Variants in SHISAL1 observed in about 807,000 individuals in gnomAD.
SHISAL1 encodes shisa like 1, also known as protein shisa-like-1.
SHISAL1 carries 9 observed loss-of-function variants against 22.6 expected under a neutral mutation model. That is an observed-to-expected ratio of 0.40 (90% CI 0.24 to 0.70). SHISAL1 has a LOEUF of 0.70. SHISAL1 is among the 30% of genes least tolerant of loss of function. The pLI is 0.39. For missense variants in SHISAL1, 246 were observed against 270.6 expected (o/e 0.91, Z 0.64); for synonymous variants, 119 against 115.4 (o/e 1.03, Z -0.20).
chr22:44,261,154 A>T (rs135431), intron 4 of SHISAL1, among the ~76,000 whole-genome samples: 95,072 of 140,056 alleles, frequency 0.68, 32,432 homozygotes, highest in East Asian at 0.78. Flanking sequence ...ATGACTTTTA[A>T]AAAAAAAAAA....
At chr22:44,277,107 C>G (rs112234531) in intron 4 of SHISAL1, among the ~76,000 whole-genome samples, 1 of 152,204 alleles carries the variant, frequency 6.6e-6, no homozygotes, top group East Asian at 1.9e-4. Flanking sequence ...GCTGCTCCTC[C>G]CCTGGCTGAC....
At chr22:44,326,394 G>T in the SHISAL1 span, among the ~76,000 whole-genome samples, 1 of 152,166 alleles carries the variant, frequency 6.6e-6, no homozygotes, top group Admixed American at 6.5e-5. Context: ...CCGCGGCAGA[G>T]CCGGCCATCC....
upstream of SHISAL1, among the ~76,000 whole-genome samples, chr22:44,315,083 C>G (rs1048204376): frequency 7.9e-5 from 12 of 152,104 alleles, no homozygotes; most frequent in Non-Finnish European, 1.5e-4. Context: ...TTCCTGCTCT[C>G]AGGCTGAGGG....
intron 4 of SHISAL1, among the ~76,000 whole-genome samples, chr22:44,253,116 A>G (rs1004964604): frequency 1.3e-5 from 2 of 152,358 alleles, no homozygotes; most frequent in African/African-American, 4.8e-5. Flanking sequence ...GTATACTTTA[A>G]AAATGGTTAA....
At chr22:44,294,159 T>G (rs1424200227) in intron 3 of SHISAL1, among the ~76,000 whole-genome samples, 2 of 152,234 alleles carry the variant, frequency 1.3e-5, no homozygotes, top group African/African-American at 4.8e-5. Flanking sequence ...ATACAAGGCT[T>G]GGGTCAAATC....
At position 44,285,537 on chromosome 22, in the gene SHISAL1, G is replaced by A. The variant is rs769362177; in HGVS notation, c.490C>T (p.Gln164Ter). ...RAPRPGQRAP[Q>*]PQPPPGPLPQ... ...AGCGGGCCTGGGGGAGGCTGCGGCT[G>A]TGGGGCCCGCTGACCCGGCCGAGGG... Residue 164 changes from glutamine to a stop codon, truncating the protein, a stop_gained, in exon 4 of 5, where the codon CAG becomes TAG. Coordinates refer to ENST00000381176, the MANE Select transcript of SHISAL1 (RefSeq NM_001099294.2). LOFTEE classifies it high-confidence loss of function. 1 of 1,612,988 alleles carries A rather than the reference G, an allele frequency of 6.2e-7. No individual in the cohort carries two copies. The highest frequency in any genetic ancestry group is 1.1e-5 in the South Asian group (1 of 91,008).
At chr22:44,263,653 G>C (rs1036080012) in intron 4 of SHISAL1, among the ~76,000 whole-genome samples, 11 of 152,208 alleles carry the variant, frequency 7.2e-5, no homozygotes, top group African/African-American at 2.7e-4. Flanking sequence ...CTCAGAGTCA[G>C]TGGAGGGGAT....
intron 4 of SHISAL1, among the ~76,000 whole-genome samples, chr22:44,261,077 T>TATATATATATATATATATATATA (rs1555925738): frequency 2.8e-5 from 3 of 108,742 alleles, no homozygotes; most frequent in African/African-American, 7.2e-5. Flanking sequence ...CTTCATTACT[T>TATATATATATATATATATATATA]TATATATATA....
intron 4 of SHISAL1, among the ~76,000 whole-genome samples, chr22:44,253,013 TA>T (rs201393616): frequency 6.7e-5 from 10 of 148,414 alleles, no homozygotes; most frequent in Admixed American, 1.3e-4. Flanking sequence ...ATAAAAAAAA[TA>T]AAAAAAAAGG....
At chr22:44,320,122 T>C in the SHISAL1 span, among the ~76,000 whole-genome samples, 1 of 152,122 alleles carries the variant, frequency 6.6e-6, no homozygotes, top group Non-Finnish European at 1.5e-5. Context: ...CCTGATTCTA[T>C]GGCCTGAACC....
rs1164216406 is a variant in SHISAL1 at position 44,290,540 on chromosome 22, AAAAAC to A, written c.282-4800_282-4796del. On this transcript the variant is annotated intron_variant, in intron 3 of 4. Transcript: ENST00000381176. ...GGGAAACTCAGTCTCAAAAAAAAAAAAAAACAAAAAACGGGAGTATGGAGCCCATT... is the reference window on the plus strand; with the variant it reads ...GGGAAACTCAGTCTCAAAAAAAAAAAAAAAAACGGGAGTATGGAGCCCATT... 1.3e-4 allele frequency among the ~76,000 whole-genome samples: 19 copies of A among 151,622 alleles called. 1 individual carries two copies. Among genetic ancestry groups the A allele is most frequent in the African/African-American group, 4.6e-4 (19 of 41,112 alleles).
At chr22:44,264,080 C>G (rs941264536) in intron 4 of SHISAL1, among the ~76,000 whole-genome samples, 3 of 152,150 alleles carry the variant, frequency 2.0e-5, no homozygotes, top group African/African-American at 7.2e-5. Flanking sequence ...TGTGGTGCGT[C>G]CACACAATGC....
At chr22:44,290,401 C>G (rs2055344442) in intron 3 of SHISAL1, among the ~76,000 whole-genome samples, 1 of 152,080 alleles carries the variant, frequency 6.6e-6, no homozygotes, top group African/African-American at 2.4e-5. Flanking sequence ...TGGTGGCAGG[C>G]ACCTGTAATC....
intron 4 of SHISAL1, among the ~76,000 whole-genome samples, chr22:44,254,473 G>C (rs1003587461): frequency 6.6e-6 from 1 of 152,004 alleles, no homozygotes; most frequent in Non-Finnish European, 1.5e-5. Flanking sequence ...TGATTCCCCT[G>C]CCCTAGCCTC....
the SHISAL1 span, among the ~76,000 whole-genome samples, chr22:44,321,391 C>G: frequency 5.9e-5 from 9 of 152,184 alleles, no homozygotes; most frequent in Admixed American, 3.3e-4. Context: ...CCCCGCTCCC[C>G]TTGCTTGTCA....
the SHISAL1 span, among the ~76,000 whole-genome samples, chr22:44,321,080 A>G: frequency 1.3e-5 from 2 of 152,184 alleles, no homozygotes; most frequent in African/African-American, 4.8e-5. Flanking sequence ...TCCAGCCACG[A>G]TGGTGGATTA....
At chr22:44,327,970 G>A in the SHISAL1 span, among the ~76,000 whole-genome samples, 3 of 152,212 alleles carry the variant, frequency 2.0e-5, no homozygotes, top group East Asian at 1.9e-4. Context: ...TCTTGGGGGC[G>A]CTGGGGAAGG....
chr22:44,324,962 G>T, the SHISAL1 span, among the ~76,000 whole-genome samples: 5 of 152,220 alleles, frequency 3.3e-5, no homozygotes, highest in African/African-American at 1.2e-4. Context: ...CTGCTGGAGG[G>T]CTGGGTGCAG....
At chr22:44,289,498 A>G (rs907959028) in intron 3 of SHISAL1, among the ~76,000 whole-genome samples, 1 of 105,488 alleles carries the variant, frequency 9.5e-6, no homozygotes, top group African/African-American at 3.8e-5. Context: ...GTGTGTGTTT[A>G]CTGCCGGGCT....
Sources: gnomAD v4.1 joint callset for allele counts (sites outside exome capture counted in the v4.1 genomes callset) on GRCh38, gnomAD v4.1.1 for gene constraint, MANE v1.5 for transcripts, NCBI Gene and HGNC (gene_info 2026-07-23, HGNC 2026-07-21) for gene names.